The following TRMT13 variants were observed in gnomAD, a reference collection of about 807,000 sequenced individuals.
TRMT13 encodes the protein tRNA:m(4)X modification enzyme TRM13 homolog.
Under a neutral mutation model 55.9 loss-of-function variants are expected in TRMT13, and 45 were observed. The ratio of observed to expected loss-of-function variants is 0.80; its 90% CI spans 0.63 to 1.03. The LOEUF (loss-of-function observed/expected upper bound fraction) is 1.03, where lower values mean the gene tolerates loss of function less well. TRMT13 is among the 50% of genes least tolerant of loss of function. The pLI, the probability that TRMT13 is intolerant of heterozygous loss-of-function variation, is 0.00. For missense variants in TRMT13, 513 were observed against 563.9 expected (o/e 0.91, Z 0.91); for synonymous variants, 183 against 196.3 (o/e 0.93, Z 0.57).
chr1:100,137,957 T>A (rs1656100248), intron 3 of TRMT13, among the ~76,000 whole-genome samples: 1 of 152,238 alleles, frequency 6.6e-6, no homozygotes. Flanking sequence ...TTTGCAAATA[T>A]CTTCCTTACC....
chr1:100,143,173 G>A lies in TRMT13; in HGVS notation c.706G>A (p.Glu236Lys), dbSNP rs1034274394. ...GKHRKKNSVF[E>K]RLQIDIQHLC... ...ACACAGAAAGAAAAATTCAGTGTTT[G>A]AAAGACTTCAAATTGATATTCAACA... The change falls in exon 8 of 11, where the codon GAA becomes AAA. Residue 236 changes from glutamate to lysine, a missense_variant. This residue lies in a region of TRMT13 where 298 missense variants were observed against 290.3 expected (regional missense o/e 1.03). Transcript: ENST00000370141. The A allele has an allele frequency of 6.2e-7, 1 of 1,610,618 alleles. No homozygotes were observed. Among genetic ancestry groups the A allele is most frequent in the Non-Finnish European group, 8.5e-7 (1 of 1,178,074 alleles).
At chr1:100,135,946 T>C (rs1655789263) in intron 1 of TRMT13, among the ~76,000 whole-genome samples, 1 of 152,196 alleles carries the variant, frequency 6.6e-6, no homozygotes, top group Non-Finnish European at 1.5e-5. Flanking sequence ...AATACTTACA[T>C]TGTGTTACAA....
chr1:100,148,717 TCAGTC>T lies in TRMT13; in HGVS notation c.1345_1349del (p.Ser449CysfsTer62), dbSNP rs773984826. On this transcript the variant is annotated frameshift_variant, in exon 11 of 11. Coordinates refer to ENST00000370141, the MANE Select transcript of TRMT13 (RefSeq NM_019083.3). LOFTEE classifies it high-confidence loss of function. The stretch of plus-strand genomic sequence containing the variant: ...ATCCAGTATTTGCAGCAGAAGGGAT[TCAGTC>T]CTGCTTTGCAGTACTATACAGACCC... The T allele has an allele frequency of 6.2e-7, 1 of 1,612,976 alleles. No individual in the cohort carries two copies. Among genetic ancestry groups the T allele is most frequent in the Non-Finnish European group, 8.5e-7 (1 of 1,179,392 alleles).
rs191918627 is a variant in TRMT13, at chr1:100,135,622, A to G, written c.148-1260A>G. Among the ~76,000 whole-genome samples the G allele has an allele frequency of 2.0e-5, 3 of 152,254 alleles. No homozygotes were observed. The East Asian group carries it at 5.8e-4, about 29-fold the overall frequency. Reference sequence around the variant, plus strand: ...TATTTTTGTTCTCATCTTTCAGATGAGGCAGTAAGCCTACCTAACTAAGGT... The same window carrying G: ...TATTTTTGTTCTCATCTTTCAGATGGGGCAGTAAGCCTACCTAACTAAGGT... On this transcript the variant is annotated intron_variant, in intron 1 of 10. Transcript: ENST00000370141.
intron 6 of TRMT13, 62 bp from the exon 7 acceptor site, chr1:100,140,790 T>G: frequency 6.8e-7 from 1 of 1,475,502 alleles, no homozygotes; most frequent in East Asian, 2.3e-5. Flanking sequence ...TACCTTGCTG[T>G]TTTCCCATTT....
chr1:100,143,979 T>G, intron 8 of TRMT13, 90 bp from the exon 9 acceptor site: 1 of 1,097,482 alleles, frequency 9.1e-7, no homozygotes, highest in Non-Finnish European at 1.3e-6. Context: ...CAGGCTAAAA[T>G]TCAGAGACTC....
At position 100,139,296 on chromosome 1, in the gene TRMT13, T is replaced by C. The variant is rs141353717; in HGVS notation, c.262-353T>C. On this transcript the variant is annotated intron_variant, in intron 3 of 10. Transcript: ENST00000370141. ...ACTTTAGCACTATAAGACAAAATTA[T>C]TACAGTTCTCAGTGTATGCTGTCAA... Among the ~76,000 whole-genome samples the C allele has an allele frequency of 7.4e-4, 112 of 152,362 alleles. 1 individual carries two copies. Among genetic ancestry groups the C allele is most frequent in the African/African-American group, 2.6e-3 (109 of 41,588 alleles).
chr1:100,148,143 T>G lies in TRMT13; in HGVS notation c.1067T>G (p.Leu356Arg), dbSNP rs1376252541. ...AAAGAATATTTCAGGGCTCTAGGCC[T>G]TGGAGCAGTGGAATTCCATTATTTC... The part of the protein sequence containing the change: ...VGKEYFRALG[L>R]GAVEFHYFQR... The change falls in exon 10 of 11, where the codon CTT becomes CGT. Residue 356 changes from leucine to arginine, a missense_variant. By Grantham distance (102) the Leu-to-Arg change is moderately radical. Transcript: ENST00000370141. 1.9e-6 allele frequency: 3 copies of G among 1,614,196 alleles called. No individual in the cohort carries two copies. The highest frequency in any genetic ancestry group is 2.5e-6 in the Non-Finnish European group (3 of 1,180,022).
intron 10 of TRMT13, 144 bp from the exon 11 acceptor site, chr1:100,148,481 T>C: frequency 9.4e-7 from 1 of 1,065,190 alleles, no homozygotes; most frequent in South Asian, 1.6e-5. Flanking sequence ...TGGTCATAAA[T>C]ATAATGTGTC....
At position 100,150,178 on chromosome 1, in the gene TRMT13, A is replaced by G. The variant is rs1198925641; in HGVS notation, c.*1358A>G. ...AAGTAAAATGCATAGAACAGTTCCAAGCACAGAGTAATTCAATAAATATTA... is the reference window on the plus strand; with the variant it reads ...AAGTAAAATGCATAGAACAGTTCCAGGCACAGAGTAATTCAATAAATATTA... On this transcript the variant is annotated 3_prime_UTR_variant, in exon 11 of 11. Transcript: ENST00000370141. The G allele has an allele frequency of 6.6e-6, 1 of 152,226 alleles. No homozygotes were observed. The highest frequency in any genetic ancestry group is 2.4e-5 in the African/African-American group (1 of 41,464). 9.4% of individuals were successfully genotyped at this position (152,226 alleles called of 1,614,324 possible).
chr1:100,137,641 T>G (rs1042855263), intron 3 of TRMT13, among the ~76,000 whole-genome samples: 5 of 152,170 alleles, frequency 3.3e-5, no homozygotes, highest in Non-Finnish European at 5.9e-5. Context: ...CCAAGGGTGC[T>G]TGGTATACAA....
chr1:100,137,319 A>G (rs972934698), intron 3 of TRMT13, among the ~76,000 whole-genome samples: 1 of 152,020 alleles, frequency 6.6e-6, no homozygotes, highest in Non-Finnish European at 1.5e-5. Flanking sequence ...CCTCAGCCTC[A>G]TGACTAGCTG....
Position 100,147,968 on chromosome 1 carries a change from C to T in TRMT13, c.892C>T (p.Arg298Cys), listed in dbSNP as rs756519912. 21 of 1,613,486 alleles carry T rather than the reference C, an allele frequency of 1.3e-5. No individual in the cohort carries two copies. The East Asian group carries it at 2.2e-4, about 17-fold the overall frequency. ...EERNEEPLAK[R>C]IKNDKTEKEI... ...AAGGAATGAAGAACCTTTAGCCAAA[C>T]GCATAAAGAATGATAAAACAGAAAA... Residue 298 changes from arginine to cysteine, a missense_variant, in exon 10 of 11, where the codon CGC becomes TGC. By Grantham distance (180) the Arg-to-Cys change is radical. Around this residue, in one of 3 missense-constraint regions of TRMT13, gnomAD observed 209 missense variants for 255.8 expected, o/e 0.82. Coordinates refer to ENST00000370141, the MANE Select transcript of TRMT13 (RefSeq NM_019083.3).
At chr1:100,143,969 C>A (rs554616729) in intron 8 of TRMT13, 100 bp from the exon 9 acceptor site, 37 of 981,920 alleles carry the variant, frequency 3.8e-5, no homozygotes, top group Middle Eastern at 5.1e-4. Flanking sequence ...GAGTCTCTTT[C>A]AGGCTAAAAT....
chr1:100,140,549 C>T (rs1375957796), intron 6 of TRMT13, 35 bp downstream of exon 6: 2 of 1,423,498 alleles, frequency 1.4e-6, no homozygotes, highest in East Asian at 2.3e-5. Context: ...TAAACATGGC[C>T]TTTGTTCATT....
chr1:100,140,217 A>G lies in TRMT13; in HGVS notation c.360A>G (p.Glu120=). 1.2e-6 allele frequency: 2 copies of G among 1,612,742 alleles called. No individual in the cohort carries two copies. Among genetic ancestry groups the G allele is most frequent in the Non-Finnish European group, 1.7e-6 (2 of 1,179,464 alleles). ...CTTCTCTATCTGAAGAGCAGTTGGA[A>G]AAGTTAATTAAGAAATTGAGAAAAG... The part of the protein sequence containing the change: ...PISSLSEEQL[E]KLIKKLRKAS... Residue 120 remains glutamate, a synonymous_variant, in exon 5 of 11, where the codon GAA becomes GAG. Coordinates refer to ENST00000370141, the MANE Select transcript of TRMT13 (RefSeq NM_019083.3).
At chr1:100,140,351 A>G in intron 5 of TRMT13, 57 bp from the exon 6 acceptor site, 8 of 1,565,420 alleles carry the variant, frequency 5.1e-6, no homozygotes, top group Non-Finnish European at 7.0e-6. Flanking sequence ...ACTATTGTTC[A>G]GAATCCTACA....
chr1:100,139,189 TATA>T, intron 3 of TRMT13, among the ~76,000 whole-genome samples: 1 of 152,248 alleles, frequency 6.6e-6, no homozygotes, highest in Admixed American at 6.5e-5. Flanking sequence ...GACTTATTGT[TATA>T]ATATCTTTGT....
intron 9 of TRMT13, among the ~76,000 whole-genome samples, chr1:100,146,990 A>C (rs1406698431): frequency 6.6e-6 from 1 of 152,216 alleles, no homozygotes; most frequent in African/African-American, 2.4e-5. Flanking sequence ...TAAATTTACT[A>C]GTGAAATATC....
Sources: gnomAD v4.1 joint callset for allele counts (sites outside exome capture counted in the v4.1 genomes callset) on GRCh38, gnomAD v4.1.1 for gene constraint, gnomAD v4.1.1 regional missense constraint, MANE v1.5 for transcripts, NCBI Gene and HGNC (gene_info 2026-07-23, HGNC 2026-07-21) for gene names.